Variants in FSTL5 observed in about 807,000 individuals in gnomAD.
FSTL5 encodes the protein follistatin-related protein 5.
Under a neutral mutation model 89.1 loss-of-function variants are expected in FSTL5, and 62 were observed. The ratio of observed to expected loss-of-function variants is 0.70; its 90% CI spans 0.57 to 0.86. The LOEUF (loss-of-function observed/expected upper bound fraction) is 0.86. Ranked by LOEUF, FSTL5 falls within the 40% of genes least tolerant of loss-of-function variation. The pLI is 0.00. For missense variants in FSTL5, 1,057 were observed against 1,001.6 expected, an observed-to-expected ratio of 1.06 and a Z score of -0.75; for synonymous variants, 383 against 346.2, an observed-to-expected ratio of 1.11 and a Z score of -1.18.
chr4:162,042,525 T>C (rs1285610240), intron 2 of FSTL5, among the ~76,000 whole-genome samples: 1 of 151,974 alleles, frequency 6.6e-6, no homozygotes, highest in Non-Finnish European at 1.5e-5. Context: ...GCAGAAAAGA[T>C]AGCATGGATA....
chr4:161,817,112 C>A (rs1432978031), intron 4 of FSTL5, among the ~76,000 whole-genome samples: 1 of 152,178 alleles, frequency 6.6e-6, no homozygotes, highest in Non-Finnish European at 1.5e-5. Context: ...GATGCTACAA[C>A]TTTGTGGCTA....
chr4:161,657,043 G>A (rs1366794825), intron 6 of FSTL5, among the ~76,000 whole-genome samples: 1 of 152,096 alleles, frequency 6.6e-6, no homozygotes, highest in African/African-American at 2.4e-5. Context: ...TTACCAGATC[G>A]CACTGGTATT....
At chr4:161,801,967 T>C (rs1729809685) in intron 4 of FSTL5, among the ~76,000 whole-genome samples, 1 of 151,738 alleles carries the variant, frequency 6.6e-6, no homozygotes. Context: ...AGAATCTAAC[T>C]TTATGATGAT....
intron 4 of FSTL5, among the ~76,000 whole-genome samples, chr4:161,822,977 T>G (rs1730539801): frequency 6.6e-6 from 1 of 152,168 alleles, no homozygotes; most frequent in Admixed American, 6.5e-5. Flanking sequence ...GCTATCCTGA[T>G]GAGTGTCCAC....
chr4:161,981,252 A>G (rs1322339020), intron 3 of FSTL5, among the ~76,000 whole-genome samples: 36 of 152,184 alleles, frequency 2.4e-4, no homozygotes, highest in Non-Finnish European at 5.9e-5. Context: ...TAGCTTTCTC[A>G]ATTGAAATTC....
intron 7 of FSTL5, among the ~76,000 whole-genome samples, chr4:161,590,836 C>T (rs1733790912): frequency 6.6e-6 from 1 of 152,130 alleles, no homozygotes. Flanking sequence ...ACAGTTTGGC[C>T]ACTCCTCAAA....
intron 1 of FSTL5, among the ~76,000 whole-genome samples, chr4:162,156,728 A>T (rs1038238893): frequency 6.6e-6 from 1 of 152,118 alleles, no homozygotes; most frequent in Admixed American, 6.6e-5. Context: ...AATAGCAAGC[A>T]CTGGAGTCTA....
chr4:161,641,508 T>TC (rs1560765166), intron 7 of FSTL5, among the ~76,000 whole-genome samples: 6 of 147,158 alleles, frequency 4.1e-5, no homozygotes, highest in Admixed American at 1.4e-4. Flanking sequence ...TGTTTTGTTT[T>TC]GTTTTTTTTT....
intron 7 of FSTL5, among the ~76,000 whole-genome samples, chr4:161,601,294 C>T (rs895606328): frequency 2.1e-5 from 3 of 145,688 alleles, no homozygotes; most frequent in Non-Finnish European, 4.5e-5. Context: ...TTACCTGCAT[C>T]CTTTCCCCTA....
chr4:161,901,565 T>C (rs184851671), intron 4 of FSTL5, among the ~76,000 whole-genome samples: 137 of 152,312 alleles, frequency 9.0e-4, no homozygotes, highest in African/African-American at 3.1e-3. Flanking sequence ...GAGAGTTAGA[T>C]AATCGCGTAT....
chr4:161,996,364 A>C (rs1736294050), intron 3 of FSTL5, among the ~76,000 whole-genome samples: 1 of 152,198 alleles, frequency 6.6e-6, no homozygotes, highest in Non-Finnish European at 1.5e-5. Context: ...ACAAATATCC[A>C]GGCACTTGTG....
intron 4 of FSTL5, among the ~76,000 whole-genome samples, chr4:161,784,163 T>C (rs1481115832): frequency 6.6e-6 from 1 of 151,852 alleles, no homozygotes; most frequent in Non-Finnish European, 1.5e-5. Context: ...CTCGAACTCC[T>C]GGCCTCAAGT....
intron 7 of FSTL5, among the ~76,000 whole-genome samples, chr4:161,597,735 T>C (rs910757381): frequency 6.6e-6 from 1 of 151,748 alleles, no homozygotes; most frequent in Non-Finnish European, 1.5e-5. Flanking sequence ...TTGTACAATA[T>C]GTAGACCCAA....
intron 2 of FSTL5, among the ~76,000 whole-genome samples, chr4:162,069,534 T>C (rs1401635336): frequency 6.6e-6 from 1 of 151,892 alleles, no homozygotes; most frequent in Non-Finnish European, 1.5e-5. Flanking sequence ...AAACTCTCCT[T>C]ATCCACCCCT....
chr4:162,084,379 A>G (rs1730223531), intron 2 of FSTL5, among the ~76,000 whole-genome samples: 1 of 152,002 alleles, frequency 6.6e-6, no homozygotes, highest in Admixed American at 6.6e-5. Context: ...ACATTTGAAA[A>G]CCAGTCAATC....
At chr4:161,887,990 A>G (rs760135786) in intron 4 of FSTL5, among the ~76,000 whole-genome samples, 14 of 152,120 alleles carry the variant, frequency 9.2e-5, no homozygotes, top group Non-Finnish European at 1.6e-4. Flanking sequence ...CCAAAGTCCA[A>G]CTGGAAGTTG....
chr4:162,031,655 G>C (rs574418364), intron 3 of FSTL5, among the ~76,000 whole-genome samples: 12 of 152,014 alleles, frequency 7.9e-5, no homozygotes, highest in Admixed American at 6.6e-5. Context: ...CAGGAGTCTA[G>C]GGCCGGGCGC....
intron 3 of FSTL5, among the ~76,000 whole-genome samples, chr4:162,009,719 A>G (rs1387588577): frequency 6.6e-6 from 1 of 152,102 alleles, no homozygotes; most frequent in Non-Finnish European, 1.5e-5. Context: ...GAAAATAAGG[A>G]TTATTATTTT....
chr4:161,937,924 C>T, intron 3 of FSTL5, among the ~76,000 whole-genome samples: 1 of 152,072 alleles, frequency 6.6e-6, no homozygotes, highest in South Asian at 2.1e-4. Flanking sequence ...ATGAGGTTTT[C>T]CTCTGACATC....
Sources: gnomAD v4.1 joint callset for allele counts (sites outside exome capture counted in the v4.1 genomes callset) on GRCh38, gnomAD v4.1.1 for gene constraint, MANE v1.5 for transcripts, NCBI Gene and HGNC (gene_info 2026-07-23, HGNC 2026-07-21) for gene names.